Variants in JAKMIP3 observed in about 807,000 individuals in gnomAD.
JAKMIP3 encodes janus kinase and microtubule-interacting protein 3.
JAKMIP3 carries 58 observed loss-of-function variants against 118.5 expected under a neutral mutation model. That is an observed-to-expected ratio of 0.49 (90% CI 0.40 to 0.61). JAKMIP3 has a LOEUF of 0.61. Ranked by LOEUF, JAKMIP3 falls within the 20% of genes least tolerant of loss-of-function variation. The pLI is 0.00. For synonymous variants in JAKMIP3, 486 were observed against 451.2 expected (o/e 1.08, Z -0.98); for missense variants, 950 against 1,109.0 (o/e 0.86, Z 2.04).
intron 1 of JAKMIP3, among the ~76,000 whole-genome samples, chr10:132,097,758 T>G (rs1299454413): frequency 1.3e-5 from 2 of 152,022 alleles, no homozygotes; most frequent in Non-Finnish European, 2.9e-5. Context: ...AAAGTTTTTT[T>G]TTTTTTTTTA....
chr10:132,102,132 CCT>C (rs2045045776), intron 1 of JAKMIP3, among the ~76,000 whole-genome samples: 1 of 152,126 alleles, frequency 6.6e-6, no homozygotes, highest in Non-Finnish European at 1.5e-5. Flanking sequence ...CACCCAATGT[CCT>C]CTCATTCTCC....
At chr10:132,156,910 T>C (rs114351350) in intron 19 of JAKMIP3, among the ~76,000 whole-genome samples, 4,726 of 152,252 alleles carry the variant, frequency 0.031, 204 homozygotes, top group South Asian at 0.17. Flanking sequence ...AATCAATGTA[T>C]AGTTCTGATT....
At chr10:132,063,111 T>TG (rs1327536168), upstream of JAKMIP3, among the ~76,000 whole-genome samples, 3 of 152,094 alleles carry the variant, frequency 2.0e-5, no homozygotes, top group Admixed American at 1.3e-4. Context: ...GGTGTGATCA[T>TG]GGGAGTGGCC....
intron 3 of JAKMIP3, among the ~76,000 whole-genome samples, chr10:132,119,214 C>G (rs1382617647): frequency 6.6e-6 from 1 of 151,990 alleles, no homozygotes; most frequent in Non-Finnish European, 1.5e-5. Flanking sequence ...CAGCTACGGG[C>G]AAGCTGGTCC....
At chr10:132,105,019 A>G in intron 2 of JAKMIP3, 76 bp downstream of exon 2, 1 of 1,509,096 alleles carries the variant, frequency 6.6e-7, no homozygotes, top group South Asian at 1.2e-5. Flanking sequence ...CTCTTCCTGG[A>G]GTGGGTTTGG....
At chr10:132,149,033 T>G (rs1020285989) in intron 14 of JAKMIP3, among the ~76,000 whole-genome samples, 1 of 152,094 alleles carries the variant, frequency 6.6e-6, no homozygotes, top group Non-Finnish European at 1.5e-5. Context: ...CAGCCTGTGT[T>G]CTCCAGAGGC....
chr10:132,103,569 A>C (rs1216187049), intron 1 of JAKMIP3, among the ~76,000 whole-genome samples: 1 of 151,926 alleles, frequency 6.6e-6, no homozygotes, highest in Non-Finnish European at 1.5e-5. Flanking sequence ...GCACAGAAGG[A>C]AAGTGTGAGG....
At chr10:132,145,853 C>T (rs1001604625) in intron 13 of JAKMIP3, among the ~76,000 whole-genome samples, 8 of 152,162 alleles carry the variant, frequency 5.3e-5, no homozygotes, top group Non-Finnish European at 7.3e-5. Flanking sequence ...ATTCGTGTCC[C>T]GTTGTGCTGA....
chr10:132,095,335 G>T lies in JAKMIP3; in HGVS notation c.-137-9337G>T, dbSNP rs181725134. 8.5e-5 allele frequency among the ~76,000 whole-genome samples: 13 copies of T among 152,352 alleles called. No homozygotes were observed. The East Asian group carries it at 2.5e-3, about 29-fold the overall frequency. Reference sequence around the variant, plus strand: ...CAGTGCCTCTGGCTGCCCTTCCAAAGGACCCCTCTGAGGTAAGGCAGAGAT... The same window carrying T: ...CAGTGCCTCTGGCTGCCCTTCCAAATGACCCCTCTGAGGTAAGGCAGAGAT... On this transcript the variant is annotated intron_variant, in intron 1 of 23. Transcript: ENST00000684848.
At chr10:132,174,756 CA>C (rs2059996766) in intron 23 of JAKMIP3, among the ~76,000 whole-genome samples, 1 of 152,182 alleles carries the variant, frequency 6.6e-6, no homozygotes. Flanking sequence ...GCCCCACACG[CA>C]ACGTCTTCAC....
intron 1 of JAKMIP3, among the ~76,000 whole-genome samples, chr10:132,051,242 TG>T (rs1349541899): frequency 2.8e-5 from 4 of 143,744 alleles, no homozygotes; most frequent in African/African-American, 1.0e-4. Context: ...CCGTTCTGGT[TG>T]GGGGGTACCT....
intron 1 of JAKMIP3, among the ~76,000 whole-genome samples, chr10:132,083,273 C>G (rs886096569): frequency 2.0e-5 from 3 of 152,080 alleles, no homozygotes; most frequent in Admixed American, 6.5e-5. Flanking sequence ...ATTTGCATTT[C>G]CCTGATCATT....
At chr10:132,098,816 G>A (rs1262824903) in intron 1 of JAKMIP3, among the ~76,000 whole-genome samples, 2 of 152,184 alleles carry the variant, frequency 1.3e-5, no homozygotes, top group Admixed American at 6.5e-5. Context: ...CTGGATTTAC[G>A]ACACTGGTCT....
Position 132,150,923 on chromosome 10 carries a change from C to T in JAKMIP3, c.2007+882C>T, listed in dbSNP as rs376919812. The stretch of plus-strand genomic sequence containing the variant: ...ATCCTTAATCCATCCATTTATCCAT[C>T]ATCCACAATCTGTCCATCCATCCTC... On this transcript the variant is annotated intron_variant, in intron 16 of 23. Transcript: ENST00000684848. Among the ~76,000 whole-genome samples, 15 of 152,206 alleles carry T rather than the reference C, an allele frequency of 9.9e-5. No homozygotes were observed. The East Asian group carries it at 2.9e-3, about 29-fold the overall frequency.
At chr10:132,082,347 C>G (rs915848983) in intron 1 of JAKMIP3, among the ~76,000 whole-genome samples, 1 of 152,044 alleles carries the variant, frequency 6.6e-6, no homozygotes, top group African/African-American at 2.4e-5. Context: ...GTATACACTG[C>G]ACCCAATTTG....
chr10:132,148,505 TCCGTCCTCCATCCGCCCGTCCTCCATCC>T (rs2055142245), intron 14 of JAKMIP3, among the ~76,000 whole-genome samples: 1 of 96,200 alleles, frequency 1.0e-5, no homozygotes, highest in East Asian at 7.9e-4. Flanking sequence ...AGCCGGCACG[TCCGTCCTCCATCCGCCCGTCCTCCATCC>T]GCCCCCGTGG....
At chr10:132,147,848 C>A in intron 13 of JAKMIP3, 104 bp from the exon 14 acceptor site, 2 of 806,228 alleles carry the variant, frequency 2.5e-6, no homozygotes, top group Non-Finnish European at 4.0e-6. Context: ...GCCAGCCGGC[C>A]TCCCCGGCAG....
intron 3 of JAKMIP3, among the ~76,000 whole-genome samples, chr10:132,124,841 GC>G (rs1194758323): frequency 6.6e-6 from 1 of 152,240 alleles, no homozygotes; most frequent in Non-Finnish European, 1.5e-5. Flanking sequence ...GGTGGGCAGA[GC>G]CCCCTCTCGT....
intron 9 of JAKMIP3, among the ~76,000 whole-genome samples, chr10:132,139,666 T>G (rs951005164): frequency 1.3e-5 from 2 of 152,146 alleles, no homozygotes; most frequent in Admixed American, 1.3e-4. Context: ...GATTTGGAAG[T>G]GTCCAGCAGA....
Sources: gnomAD v4.1 joint callset for allele counts (sites outside exome capture counted in the v4.1 genomes callset) on GRCh38, gnomAD v4.1.1 for gene constraint, MANE v1.5 for transcripts, NCBI Gene and HGNC (gene_info 2026-07-23, HGNC 2026-07-21) for gene names.